The following CPSF2 variants were observed in gnomAD, a reference collection of about 807,000 sequenced individuals.
CPSF2 encodes cleavage and polyadenylation specificity factor subunit 2.
In CPSF2, 51 loss-of-function variants were observed where a neutral mutation model predicts 84.2. The ratio of observed to expected loss-of-function variants is 0.61; its 90% CI spans 0.48 to 0.77. CPSF2 has a LOEUF of 0.77. Among genes scored for constraint, CPSF2 ranks in the 30% least tolerant of loss-of-function variants. The pLI, the probability that CPSF2 is intolerant of heterozygous loss-of-function variation, is 0.00. For synonymous variants in CPSF2, 286 were observed against 311.9 expected, an observed-to-expected ratio of 0.92 and a Z score of 0.87; for missense variants, 641 against 929.4, an observed-to-expected ratio of 0.69 and a Z score of 4.03.
At chr14:92,143,956 C>T (rs1240356270) in intron 9 of CPSF2, among the ~76,000 whole-genome samples, 2 of 152,174 alleles carry the variant, frequency 1.3e-5, no homozygotes, top group East Asian at 3.9e-4. Flanking sequence ...TTAAATCAGA[C>T]TCTTTCCTAA....
At chr14:92,153,575 C>G (rs2069248660) in intron 9 of CPSF2, among the ~76,000 whole-genome samples, 1 of 151,932 alleles carries the variant, frequency 6.6e-6, no homozygotes, top group Non-Finnish European at 1.5e-5. Context: ...GATTTTTAAC[C>G]AGTTTGATTG....
chr14:92,146,260 G>A (rs1381702020), intron 9 of CPSF2, among the ~76,000 whole-genome samples: 1 of 152,184 alleles, frequency 6.6e-6, no homozygotes, highest in Non-Finnish European at 1.5e-5. Flanking sequence ...GGTGGCTCAC[G>A]CCTGTAATCC....
chr14:92,156,430 T>C (rs867337652), intron 11 of CPSF2, 49 bp from the exon 12 acceptor site: 2 of 1,507,108 alleles, frequency 1.3e-6, no homozygotes, highest in Middle Eastern at 3.5e-4. Context: ...ATATGTTATG[T>C]AGTATTAGCT....
At chr14:92,143,487 G>A (rs1014035627) in intron 9 of CPSF2, among the ~76,000 whole-genome samples, 193 bp downstream of exon 9, 2 of 152,086 alleles carry the variant, frequency 1.3e-5, no homozygotes, top group Non-Finnish European at 2.9e-5. Flanking sequence ...AGGACCACTC[G>A]AGCCCAGGAA....
intron 14 of CPSF2, among the ~76,000 whole-genome samples, chr14:92,160,164 T>C (rs928796099): frequency 6.6e-6 from 1 of 152,160 alleles, no homozygotes; most frequent in Admixed American, 6.5e-5. Context: ...GGTTTTGCCA[T>C]GTTGGCCAGG....
In CPSF2 at chr14:92,161,251, G is replaced by C. The variant is rs768375938; in HGVS notation, c.2256+5G>C. 1.9e-6 allele frequency: 3 copies of C among 1,606,818 alleles called. No homozygotes were observed. In the South Asian group the frequency reaches 3.3e-5, roughly 18 times the overall value. ...AATCAAGTAGCAGTCCGCAGAGTAAGTGTGTTTTCAATAAGGGCTGAATTG... is the reference window on the plus strand; with the variant it reads ...AATCAAGTAGCAGTCCGCAGAGTAACTGTGTTTTCAATAAGGGCTGAATTG... On this transcript the variant is annotated splice_donor_5th_base_variant and intron_variant, in intron 15 of 15. Coordinates refer to ENST00000298875, the MANE Select transcript of CPSF2 (RefSeq NM_017437.3).
intron 1 of CPSF2, among the ~76,000 whole-genome samples, chr14:92,124,584 G>C (rs1024302513): frequency 6.6e-6 from 1 of 152,198 alleles, no homozygotes; most frequent in South Asian, 2.1e-4. Flanking sequence ...CTTTAGGGGT[G>C]ACAACATGAT....
At position 92,161,089 on chromosome 14, in the gene CPSF2, T is replaced by C. The variant is rs1164207832; in HGVS notation, c.2122-23T>C. On this transcript the variant is annotated intron_variant, in intron 14 of 15. Transcript: ENST00000298875. ...TCTGGTGTTTTACTTGAAGTTATTC[T>C]TTCCCCTTTGACCTTATCTAAGGTT... 1.9e-6 allele frequency: 3 copies of C among 1,610,336 alleles called. No homozygotes were observed. In the Admixed American group the frequency reaches 5.1e-5, roughly 27 times the overall value.
Position 92,169,160 on chromosome 14 carries a change from A to T in CPSF2, c.*7416A>T, listed in dbSNP as rs1159432988. On this transcript the variant is annotated 3_prime_UTR_variant, in exon 16 of 16. Coordinates refer to ENST00000298875, the MANE Select transcript of CPSF2 (RefSeq NM_017437.3). ...GTAACTCTGTGGGAAACTTTATTCC[A>T]AGGGTGCTGCCACTGCCCTTGTTTT... 6.6e-6 allele frequency: 1 copy of T among 152,224 alleles called. No homozygotes were observed. Among genetic ancestry groups the T allele is most frequent in the Non-Finnish European group, 1.5e-5 (1 of 68,044 alleles). 9.4% of individuals were successfully genotyped at this position (152,224 alleles called of 1,614,324 possible). A position where few individuals can be genotyped will look rare whatever the true frequency, so the allele number is the denominator to read the frequency against.
At chr14:92,152,428 C>T (rs1044495427) in intron 9 of CPSF2, among the ~76,000 whole-genome samples, 1 of 149,578 alleles carries the variant, frequency 6.7e-6, no homozygotes, top group Non-Finnish European at 1.5e-5. Context: ...CGCGCCCGGC[C>T]TATTATTATT....
At chr14:92,152,387 C>T (rs2069232013) in intron 9 of CPSF2, among the ~76,000 whole-genome samples, 1 of 152,036 alleles carries the variant, frequency 6.6e-6, no homozygotes, top group Non-Finnish European at 1.5e-5. Context: ...CCTCGACCTC[C>T]CACAGTGCTG....
chr14:92,156,467 C>G lies in CPSF2; in HGVS notation c.1443-12C>G. Reference sequence around the variant, plus strand: ...GCTTTTTACTGCTTCTAATTAGAGACTTATTATTTAGACCAGAGGATTTCT... The same window carrying G: ...GCTTTTTACTGCTTCTAATTAGAGAGTTATTATTTAGACCAGAGGATTTCT... On this transcript the variant is annotated splice_polypyrimidine_tract_variant and intron_variant, in intron 11 of 15. Coordinates refer to ENST00000298875, the MANE Select transcript of CPSF2 (RefSeq NM_017437.3). 6.2e-7 allele frequency: 1 copy of G among 1,603,288 alleles called. No homozygotes were observed. Among genetic ancestry groups the G allele is most frequent in the Non-Finnish European group, 8.5e-7 (1 of 1,176,718 alleles).
At chr14:92,132,236 G>A (rs2141454440) in intron 3 of CPSF2, among the ~76,000 whole-genome samples, 1 of 151,966 alleles carries the variant, frequency 6.6e-6, no homozygotes, top group South Asian at 2.1e-4. Flanking sequence ...CAGGGTTCAA[G>A]TTATTCTCCT....
At position 92,135,536 on chromosome 14, in the gene CPSF2, GTAT is replaced by G. The variant is rs141273633; in HGVS notation, c.545+45_545+47del. 6,205 of 1,548,074 alleles carry G rather than the reference GTAT, an allele frequency of 4.0e-3. 232 individuals carry two copies. The African/African-American group carries it at 0.078, about 20-fold the overall frequency. ...AGAAAAGCTAAAGGCAATGCAATTG[GTAT>G]TATTTTATTCTTTGGAGAAAAAATA... On this transcript the variant is annotated intron_variant, in intron 6 of 15. Transcript: ENST00000298875.
At chr14:92,152,356 C>T (rs1274840449) in intron 9 of CPSF2, among the ~76,000 whole-genome samples, 3 of 151,944 alleles carry the variant, frequency 2.0e-5, no homozygotes, top group Non-Finnish European at 4.4e-5. Flanking sequence ...CTCGAATTCC[C>T]GACCTTAGGT....
Position 92,121,984 on chromosome 14 carries a change from C to G in CPSF2, c.-238C>G, listed in dbSNP as rs2141442496. 1 of 735,270 alleles carries G rather than the reference C, an allele frequency of 1.4e-6. No individual in the cohort carries two copies. The highest frequency in any genetic ancestry group is 1.8e-5 in the African/African-American group (1 of 56,522). The allele number at this position is 735,270 out of a possible 1,614,324, so 45.5% of individuals were successfully genotyped here. ...CGTCTCCGCCGCTAGTCTCCAGCTC[C>G]AAAATGGCGGCTGCCACTGTGGGGC... On this transcript the variant is annotated 5_prime_UTR_variant, in exon 1 of 16. Coordinates refer to ENST00000298875, the MANE Select transcript of CPSF2 (RefSeq NM_017437.3).
chr14:92,133,185 C>T (rs1002404174), intron 3 of CPSF2, among the ~76,000 whole-genome samples: 3 of 151,926 alleles, frequency 2.0e-5, no homozygotes, highest in African/African-American at 4.8e-5. Context: ...TTTGGGAGGC[C>T]GAGGTGGGCG....
rs148756935 is a variant in CPSF2, at chr14:92,143,094, C to A, written c.940C>A (p.Leu314Ile). 1 of 1,614,048 alleles carries A rather than the reference C, an allele frequency of 6.2e-7. No individual in the cohort carries two copies. Among genetic ancestry groups the A allele is most frequent in the Non-Finnish European group, 8.5e-7 (1 of 1,179,954 alleles). Residue 314 changes from leucine (L) to isoleucine (I), a missense_variant, in exon 9 of 16, where the codon CTT becomes ATT. This residue lies in a region of CPSF2 where 211 missense variants were observed against 375.7 expected (regional missense o/e 0.56). Transcript: ENST00000298875. The stretch of plus-strand genomic sequence containing the variant: ...TCGCCATCTCTCTTTATGTCATGGT[C>A]TTTCTGACTTGGCCCGTGTACCTAG... ...QFRHLSLCHG[L>I]SDLARVPSPK...
At chr14:92,123,694 C>T (rs1206897737) in intron 1 of CPSF2, among the ~76,000 whole-genome samples, 3 of 152,204 alleles carry the variant, frequency 2.0e-5, no homozygotes, top group African/African-American at 7.2e-5. Flanking sequence ...CCACTGCGCC[C>T]GGCAACATGC....
Sources: allele counts gnomAD v4.1 joint callset (sites outside exome capture counted in the v4.1 genomes callset), GRCh38; gene constraint gnomAD v4.1.1; regional missense constraint gnomAD v4.1.1; transcripts MANE v1.5; gene names NCBI Gene and HGNC (gene_info 2026-07-23, HGNC 2026-07-21).